Variants in EFCC1 observed in about 807,000 individuals in gnomAD.
EFCC1 encodes EF-hand and coiled-coil domain-containing protein 1.
EFCC1 carries 50 observed loss-of-function variants against 52.1 expected under a neutral mutation model. That is an observed-to-expected ratio of 0.96 (90% CI 0.76 to 1.21). The LOEUF (loss-of-function observed/expected upper bound fraction) is 1.21, where lower values mean the gene tolerates loss of function less well. EFCC1 is among the 50% of genes most tolerant of loss of function. The probability of loss-of-function intolerance (pLI) is 0.00; values close to 1 mark genes in which losing one functional copy is unlikely to be tolerated. For missense variants in EFCC1, 837 were observed against 867.3 expected, an observed-to-expected ratio of 0.97 and a Z score of 0.44; for synonymous variants, 399 against 396.5, an observed-to-expected ratio of 1.01 and a Z score of -0.08.
In EFCC1 at chr3:129,004,005, A is replaced by T; in HGVS notation, c.908A>T (p.Glu303Val). The T allele has an allele frequency of 6.6e-7, 1 of 1,505,738 alleles. No individual in the cohort carries two copies. The highest frequency in any genetic ancestry group is 1.2e-5 in the South Asian group (1 of 82,404). The allele number at this position is 1,505,738 out of a possible 1,614,324, so 93.3% of individuals were successfully genotyped here. A position where few individuals can be genotyped will look rare whatever the true frequency, so the allele number is the denominator to read the frequency against. ...AGCCTGCACCGCGTGCGAGAGCTGG[A>T]GGCGCTGGCGCAACAGGTGCCCGGC... Reference protein sequence around the residue: ...LRSLHRVRELEALAQQVPGLQ... With the variant: ...LRSLHRVRELVALAQQVPGLQ... Residue 303 changes from glutamate (E) to valine (V), a missense_variant, in exon 2 of 8, where the codon GAG becomes GTG. Transcript: ENST00000683648.
Position 129,002,095 on chromosome 3 carries a change from G to A in EFCC1, c.467G>A (p.Arg156His). 1 of 1,510,406 alleles carries A rather than the reference G, an allele frequency of 6.6e-7. No homozygotes were observed. Among genetic ancestry groups the A allele is most frequent in the South Asian group, 1.3e-5 (1 of 79,942 alleles). The allele number at this position is 1,510,406 out of a possible 1,614,324, so 93.6% of individuals were successfully genotyped here. A position where few individuals can be genotyped will look rare whatever the true frequency, so the allele number is the denominator to read the frequency against. The change falls in exon 1 of 8, where the codon CGT (arginine) becomes CAT (histidine). Residue 156 changes from arginine (R) to histidine (H), a missense_variant. Physicochemically the swap from Arg to His is conservative, Grantham distance 29. Coordinates refer to ENST00000683648, the MANE Select transcript of EFCC1 (RefSeq NM_001377500.1). ...CGCCTCTGTGGCTACTTCGGCACCC[G>A]TGCGGGGCCCCGGCTGCCCCGCGGC... ...HARLCGYFGT[R>H]AGPRLPRGAL...
intron 3 of EFCC1, 149 bp downstream of exon 3, chr3:129,031,009 C>A (rs78503351): frequency 9.4e-7 from 1 of 1,065,748 alleles, no homozygotes; most frequent in Non-Finnish European, 1.3e-6. Context: ...TGGGCTGGGG[C>A]CCTTTTCCCC....
Position 129,037,114 on chromosome 3 carries a change from C to G in EFCC1, c.1590C>G (p.Asp530Glu). 1 of 1,604,126 alleles carries G rather than the reference C, an allele frequency of 6.2e-7. No individual in the cohort carries two copies. Among genetic ancestry groups the G allele is most frequent in the Non-Finnish European group, 8.5e-7 (1 of 1,176,842 alleles). The stretch of plus-strand genomic sequence containing the variant: ...TGCAGCTCCTGCAGAGGCTCCGGGA[C>G]CTGGTAGGCTCACGGGAGAGCTGCC... The part of the protein sequence containing the change: ...DVLQLLQRLR[D>E]LNISKRALGK... Residue 530 changes from aspartate (D) to glutamate (E), a missense_variant, in exon 6 of 8, where the codon GAC becomes GAG. Transcript: ENST00000683648.
chr3:129,025,827 C>T (rs1946080394), intron 2 of EFCC1, among the ~76,000 whole-genome samples: 1 of 152,210 alleles, frequency 6.6e-6, no homozygotes, highest in Non-Finnish European at 1.5e-5. Flanking sequence ...AAAGAGTGTC[C>T]TCATCTGTCC....
intron 2 of EFCC1, among the ~76,000 whole-genome samples, chr3:129,009,779 C>T (rs887926173): frequency 2.6e-5 from 4 of 152,176 alleles, no homozygotes; most frequent in South Asian, 4.1e-4. Context: ...TCTGAAGCCC[C>T]GGGAGGAAAC....
intron 2 of EFCC1, among the ~76,000 whole-genome samples, chr3:129,011,911 A>G (rs1418832621): frequency 2.6e-5 from 4 of 152,228 alleles, no homozygotes; most frequent in Non-Finnish European, 5.9e-5. Context: ...AGAAGGAAGG[A>G]GCCTAGACAG....
chr3:129,038,312 G>A (rs1174546989), intron 6 of EFCC1, among the ~76,000 whole-genome samples: 1 of 152,148 alleles, frequency 6.6e-6, no homozygotes, highest in Non-Finnish European at 1.5e-5. Context: ...CAGAGACCTG[G>A]GGATGGGCCC....
intron 2 of EFCC1, among the ~76,000 whole-genome samples, chr3:129,022,257 C>G (rs1377194080): frequency 6.6e-6 from 1 of 152,210 alleles, no homozygotes; most frequent in Non-Finnish European, 1.5e-5. Flanking sequence ...GAGTCCCCAG[C>G]AGTGTTGACT....
chr3:129,032,733 G>A, intron 3 of EFCC1, 86 bp from the exon 4 acceptor site: 1 of 1,482,468 alleles, frequency 6.7e-7, no homozygotes. Flanking sequence ...GCCCTCCCCT[G>A]GGGCTGCGCT....
At chr3:129,027,330 C>G (rs1013681188) in intron 2 of EFCC1, among the ~76,000 whole-genome samples, 1 of 152,160 alleles carries the variant, frequency 6.6e-6, no homozygotes, top group African/African-American at 2.4e-5. Flanking sequence ...CCCCGGCGCC[C>G]GTGCCCCGTT....
rs76841300 is a variant in EFCC1, at chr3:129,030,420, G to A, written c.981-283G>A. ...ACATGACAATGTCTAAAGGCAGGAA[G>A]GAAGGGGCATTTCTTTTCCTAGAGG... On this transcript the variant is annotated intron_variant, in intron 2 of 7. Transcript: ENST00000683648. The A allele has an allele frequency of 3.2e-3, 854 of 266,186 alleles. 14 individuals carry two copies. Among genetic ancestry groups the A allele is most frequent in the African/African-American group, 0.017 (784 of 45,524 alleles). 16.5% of individuals were successfully genotyped at this position (266,186 alleles called of 1,614,324 possible). A position where few individuals can be genotyped will look rare whatever the true frequency, so the allele number is the denominator to read the frequency against.
chr3:129,030,991 G>A, intron 3 of EFCC1, 131 bp downstream of exon 3: 2 of 1,251,098 alleles, frequency 1.6e-6, no homozygotes, highest in South Asian at 1.8e-5. Flanking sequence ...CCCACCAGGT[G>A]CTCAGGCTGG....
At chr3:129,017,951 G>C (rs1429718876) in intron 2 of EFCC1, among the ~76,000 whole-genome samples, 1 of 152,188 alleles carries the variant, frequency 6.6e-6, no homozygotes, top group Admixed American at 6.5e-5. Flanking sequence ...CAGCCAGGAA[G>C]TTATGGCTGC....
intron 2 of EFCC1, among the ~76,000 whole-genome samples, chr3:129,022,759 G>A (rs1272665368): frequency 6.6e-6 from 1 of 152,226 alleles, no homozygotes; most frequent in Non-Finnish European, 1.5e-5. Context: ...AGTGACAAGT[G>A]TCTCTGCAGC....
chr3:129,013,723 A>G (rs1377302116), intron 2 of EFCC1, among the ~76,000 whole-genome samples: 1 of 152,058 alleles, frequency 6.6e-6, no homozygotes, highest in South Asian at 2.1e-4. Context: ...AATCACTGCC[A>G]CTCTGATTAG....
intron 1 of EFCC1, 108 bp from the exon 2 acceptor site, chr3:129,003,686 T>G (rs2107852421): frequency 9.2e-7 from 1 of 1,086,788 alleles, no homozygotes; most frequent in South Asian, 3.3e-5. Context: ...AGAAACGTGC[T>G]CAAGCGCTTC....
At chr3:129,024,894 G>A (rs1946036142) in intron 2 of EFCC1, among the ~76,000 whole-genome samples, 1 of 152,168 alleles carries the variant, frequency 6.6e-6, no homozygotes, top group Non-Finnish European at 1.5e-5. Flanking sequence ...TGACATTTTT[G>A]TTGGGGTGGG....
At chr3:129,032,795 T>C (rs1178230688) in intron 3 of EFCC1, 24 bp from the exon 4 acceptor site, 1 of 1,548,278 alleles carries the variant, frequency 6.5e-7, no homozygotes, top group African/African-American at 1.4e-5. Context: ...TTGTCCTGCA[T>C]CCCCACATCC....
intron 7 of EFCC1, 94 bp from the exon 8 acceptor site, chr3:129,039,618 A>G: frequency 6.7e-7 from 1 of 1,503,694 alleles, no homozygotes; most frequent in Non-Finnish European, 8.9e-7. Flanking sequence ...CACAGCGGGT[A>G]AGAGTGGCTG....
Sources: allele counts gnomAD v4.1 joint callset (sites outside exome capture counted in the v4.1 genomes callset), GRCh38; gene constraint gnomAD v4.1.1; transcripts MANE v1.5; gene names NCBI Gene and HGNC (gene_info 2026-07-23, HGNC 2026-07-21).